AHCYL2: variants seen among roughly 807,000 people sequenced by gnomAD.
AHCYL2 encodes the protein adenosylhomocysteinase like 2.
Under a neutral mutation model 81.4 loss-of-function variants are expected in AHCYL2, and 28 were observed. That is an observed-to-expected ratio of 0.34 (90% CI 0.25 to 0.47). AHCYL2 has a LOEUF of 0.47. Among genes scored for constraint, AHCYL2 ranks in the 20% least tolerant of loss-of-function variants. AHCYL2 has a pLI of 1.00. For missense variants in AHCYL2, 551 were observed against 785.1 expected (o/e 0.70, Z 3.56); for synonymous variants, 272 against 290.2 (o/e 0.94, Z 0.64).
intron 1 of AHCYL2, among the ~76,000 whole-genome samples, chr7:129,357,540 T>C (rs1261424355): frequency 6.6e-6 from 1 of 152,140 alleles, no homozygotes; most frequent in African/African-American, 2.4e-5. Flanking sequence ...AAATAACTCA[T>C]ACAAATCAGT....
chr7:129,252,781 CTAGGTAGG>C (rs1043719805), intron 1 of AHCYL2, among the ~76,000 whole-genome samples: 1 of 151,448 alleles, frequency 6.6e-6, no homozygotes, highest in Non-Finnish European at 1.5e-5. Context: ...TGATTGATAG[CTAGGTAGG>C]TAGGTAGGTA....
At chr7:129,425,019 T>TG (rs1490308784) in intron 14 of AHCYL2, 44 bp from the exon 15 acceptor site, 1 of 1,610,966 alleles carries the variant, frequency 6.2e-7, no homozygotes. Context: ...CTTGGGTAGA[T>TG]TGCCATGAAT....
chr7:129,266,520 A>G (rs1454093407), intron 1 of AHCYL2, among the ~76,000 whole-genome samples: 1 of 151,120 alleles, frequency 6.6e-6, no homozygotes, highest in African/African-American at 2.4e-5. Context: ...CAAGAGTGAA[A>G]CTCCGTCCCC....
At chr7:129,243,765 A>G (rs1240188870) in intron 1 of AHCYL2, among the ~76,000 whole-genome samples, 2 of 151,616 alleles carry the variant, frequency 1.3e-5, no homozygotes, top group Non-Finnish European at 2.9e-5. Context: ...TATTTTTAGT[A>G]GAGATGGGGT....
intron 1 of AHCYL2, among the ~76,000 whole-genome samples, chr7:129,247,942 G>T (rs1335383290): frequency 2.0e-5 from 3 of 152,126 alleles, no homozygotes; most frequent in Non-Finnish European, 4.4e-5. Context: ...AAATCTTTGT[G>T]TAACTCAAGG....
chr7:129,312,050 G>A (rs557118152), intron 1 of AHCYL2, among the ~76,000 whole-genome samples: 1 of 152,222 alleles, frequency 6.6e-6, no homozygotes, highest in South Asian at 2.1e-4. Context: ...GTACAGTGGT[G>A]CAGTCACAGC....
intron 4 of AHCYL2, among the ~76,000 whole-genome samples, chr7:129,394,959 A>G (rs1795654470): frequency 6.6e-6 from 1 of 151,896 alleles, no homozygotes; most frequent in South Asian, 2.1e-4. Flanking sequence ...CATCTGGCTC[A>G]TCTGAGAGCC....
chr7:129,250,282 C>T (rs1795205142), intron 1 of AHCYL2, among the ~76,000 whole-genome samples: 1 of 152,204 alleles, frequency 6.6e-6, no homozygotes, highest in Non-Finnish European at 1.5e-5. Flanking sequence ...CAAAAACAAA[C>T]AAACCAAAAA....
At chr7:129,225,800 A>G (rs1272075417) in intron 1 of AHCYL2, among the ~76,000 whole-genome samples, 1 of 152,134 alleles carries the variant, frequency 6.6e-6, no homozygotes, top group African/African-American at 2.4e-5. Context: ...GTATAGAAAA[A>G]CCTTACCGCT....
chr7:129,346,610 A>C (rs921291208), intron 1 of AHCYL2, among the ~76,000 whole-genome samples: 5 of 152,200 alleles, frequency 3.3e-5, no homozygotes, highest in Admixed American at 2.0e-4. Context: ...AAAATGCCAA[A>C]ATTCAGAACA....
intron 1 of AHCYL2, among the ~76,000 whole-genome samples, chr7:129,352,378 G>A (rs539158249): frequency 8.5e-5 from 13 of 152,190 alleles, no homozygotes; most frequent in Non-Finnish European, 1.3e-4. Context: ...TTCCAGTCAA[G>A]CTGTCCCCGG....
chr7:129,354,007 A>G (rs992958285), intron 1 of AHCYL2, among the ~76,000 whole-genome samples: 1 of 152,226 alleles, frequency 6.6e-6, no homozygotes, highest in African/African-American at 2.4e-5. Flanking sequence ...GAAGTATCCA[A>G]TAGGCGTAGC....
intron 1 of AHCYL2, among the ~76,000 whole-genome samples, chr7:129,305,742 T>C (rs1256150507): frequency 2.6e-5 from 4 of 152,234 alleles, no homozygotes; most frequent in Admixed American, 6.5e-5. Flanking sequence ...TTCTTTCAGA[T>C]TGAAGAACTC....
chr7:129,243,869 A>G (rs1332687600), intron 1 of AHCYL2, among the ~76,000 whole-genome samples: 2 of 152,222 alleles, frequency 1.3e-5, no homozygotes, highest in African/African-American at 4.8e-5. Context: ...CTGGGATTAC[A>G]GGCATGAGCC....
chr7:129,394,118 C>G (rs539322672), intron 4 of AHCYL2, among the ~76,000 whole-genome samples: 1 of 152,118 alleles, frequency 6.6e-6, no homozygotes, highest in Non-Finnish European at 1.5e-5. Flanking sequence ...AAGCGATCCT[C>G]CTGCCCCAGC....
intron 1 of AHCYL2, among the ~76,000 whole-genome samples, chr7:129,239,824 C>T (rs938911196): frequency 1.3e-5 from 2 of 151,832 alleles, no homozygotes; most frequent in Admixed American, 6.6e-5. Flanking sequence ...ACTCCCTACA[C>T]ACAGAGACAC....
chr7:129,401,348 C>CG (rs398040080), intron 6 of AHCYL2, among the ~76,000 whole-genome samples: 1 of 141,078 alleles, frequency 7.1e-6, no homozygotes, highest in Non-Finnish European at 1.6e-5. Flanking sequence ...TGCCCCCCCC[C>CG]AAAAAAGCTA....
chr7:129,346,334 C>G (rs1793360290), intron 1 of AHCYL2, among the ~76,000 whole-genome samples: 1 of 152,030 alleles, frequency 6.6e-6, no homozygotes, highest in Non-Finnish European at 1.5e-5. Flanking sequence ...ACAGTGGTAT[C>G]AAAAGAATGA....
At chr7:129,291,847 C>T (rs1359272320) in intron 1 of AHCYL2, among the ~76,000 whole-genome samples, 3 of 144,554 alleles carry the variant, frequency 2.1e-5, no homozygotes, top group Non-Finnish European at 4.7e-5. Flanking sequence ...CCTCATGATC[C>T]GCCCGCCTCA....
Sources: allele counts gnomAD v4.1 joint callset (sites outside exome capture counted in the v4.1 genomes callset), GRCh38; gene constraint gnomAD v4.1.1; transcripts MANE v1.5; gene names NCBI Gene and HGNC (gene_info 2026-07-23, HGNC 2026-07-21).